The following CYRIB variants were observed in gnomAD, a reference collection of about 807,000 sequenced individuals.
CYRIB encodes CYFIP related Rac1 interactor B.
Under a neutral mutation model 44.2 loss-of-function variants are expected in CYRIB, and 8 were observed. That is an observed-to-expected ratio of 0.18 (90% confidence interval 0.11 to 0.33). The LOEUF is 0.33. Among genes scored for constraint, CYRIB ranks in the 10% least tolerant of loss-of-function variants. The pLI, the probability that CYRIB is intolerant of heterozygous loss-of-function variation, is 1.00. For synonymous variants in CYRIB, 131 were observed against 127.2 expected, an observed-to-expected ratio of 1.03 and a Z score of -0.20; for missense variants, 185 against 382.8, an observed-to-expected ratio of 0.48 and a Z score of 4.31.
At chr8:130,004,291 A>G (rs2096980542) in intron 1 of CYRIB, among the ~76,000 whole-genome samples, 2 of 152,090 alleles carry the variant, frequency 1.3e-5, no homozygotes, top group Non-Finnish European at 2.9e-5. Context: ...TTGTTTAGAG[A>G]CAGGGGTCTC....
At chr8:129,874,244 A>G (rs1482619497) in intron 3 of CYRIB, among the ~76,000 whole-genome samples, 1 of 152,054 alleles carries the variant, frequency 6.6e-6, no homozygotes, top group African/African-American at 2.4e-5. Context: ...CATATTCATT[A>G]CTCATCAAGC....
intron 8 of CYRIB, 60 bp from the exon 11 acceptor site, chr8:129,850,974 A>G (rs1587110973): frequency 1.8e-6 from 2 of 1,089,400 alleles, no homozygotes; most frequent in East Asian, 4.8e-5. Context: ...ACTTAAGCAC[A>G]ATTTAAAATT....
At chr8:129,960,022 C>T (rs2095145380) in intron 2 of CYRIB, among the ~76,000 whole-genome samples, 1 of 152,202 alleles carries the variant, frequency 6.6e-6, no homozygotes. Flanking sequence ...CCTACCTCTA[C>T]AATTTTTGGT....
At chr8:129,854,432 TA>T in intron 6 of CYRIB, 89 bp from the exon 9 acceptor site, 1 of 873,224 alleles carries the variant, frequency 1.1e-6, no homozygotes. Context: ...TTAATTAGTA[TA>T]AAACATTCCA....
At chr8:129,907,989 A>AAG (rs2076291771) in intron 1 of CYRIB, among the ~76,000 whole-genome samples, 1 of 152,168 alleles carries the variant, frequency 6.6e-6, no homozygotes, top group Admixed American at 6.5e-5. Context: ...GTGACAGAGT[A>AAG]AGACTCTGTT....
At chr8:129,888,257 G>C (rs1017793888) in intron 2 of CYRIB, among the ~76,000 whole-genome samples, 2 of 152,200 alleles carry the variant, frequency 1.3e-5, no homozygotes, top group Admixed American at 1.3e-4. Flanking sequence ...CATGTAAGAC[G>C]TGCCACCTTC....
At chr8:129,935,515 G>A (rs2092639396) in intron 1 of CYRIB, among the ~76,000 whole-genome samples, 1 of 152,202 alleles carries the variant, frequency 6.6e-6, no homozygotes, top group East Asian at 1.9e-4. Flanking sequence ...GATCTAACAG[G>A]AGGCAGACCT....
chr8:129,888,964 G>A (rs1369260991), intron 2 of CYRIB, among the ~76,000 whole-genome samples: 2 of 152,062 alleles, frequency 1.3e-5, no homozygotes, highest in Non-Finnish European at 1.5e-5. Context: ...AGGGTGGCAG[G>A]CGCCTGTAAT....
At chr8:129,910,550 C>T (rs568549209) in intron 1 of CYRIB, among the ~76,000 whole-genome samples, 10 of 145,942 alleles carry the variant, frequency 6.9e-5, no homozygotes, top group Non-Finnish European at 1.0e-4. Flanking sequence ...ATAATTCCAA[C>T]GCTTCAGGAA....
intron 4 of CYRIB, among the ~76,000 whole-genome samples, chr8:129,863,739 A>G (rs1436683428): frequency 6.6e-6 from 1 of 152,180 alleles, no homozygotes; most frequent in East Asian, 1.9e-4. Flanking sequence ...TCATTAAGTA[A>G]TCTTTTCTGA....
At chr8:129,987,955 G>C (rs1056088063) in intron 1 of CYRIB, among the ~76,000 whole-genome samples, 3 of 152,162 alleles carry the variant, frequency 2.0e-5, no homozygotes, top group Admixed American at 6.5e-5. Context: ...ACCTTACAAA[G>C]CCACCATCAG....
chr8:129,894,917 A>G lies in CYRIB; in HGVS notation c.-11+8395T>C, dbSNP rs570193044. 2.7e-5 allele frequency among the ~76,000 whole-genome samples: 4 copies of G among 149,162 alleles called. No homozygotes were observed. The East Asian group carries it at 5.8e-4, about 22-fold the overall frequency. On this transcript the variant is annotated intron_variant, in intron 2 of 11. Transcript: ENST00000519824. ...TTTTCAAACTGAGTGTTAGAAATAT[A>G]TATATATATATATTTTTTTAATTAA...
At chr8:129,855,549 T>A in intron 6 of CYRIB, 62 bp downstream of exon 8, 1 of 1,545,688 alleles carries the variant, frequency 6.5e-7, no homozygotes, top group Non-Finnish European at 8.9e-7. Flanking sequence ...CGGCTCTTCC[T>A]CCTAGTACTC....
chr8:129,850,597 A>C (rs2042762004), intron 9 of CYRIB: 8 of 506,832 alleles, frequency 1.6e-5, no homozygotes, highest in Non-Finnish European at 2.8e-5. Context: ...AGTCTGAGTC[A>C]GTCTGAGTGG....
At chr8:129,990,228 T>C (rs2096594819) in intron 1 of CYRIB, among the ~76,000 whole-genome samples, 1 of 152,190 alleles carries the variant, frequency 6.6e-6, no homozygotes, top group African/African-American at 2.4e-5. Context: ...ATGTATATAC[T>C]GTATATGCAT....
chr8:129,934,784 A>T (rs1472341723), intron 1 of CYRIB, among the ~76,000 whole-genome samples: 1 of 152,222 alleles, frequency 6.6e-6, no homozygotes, highest in Non-Finnish European at 1.5e-5. Flanking sequence ...ATGATTTTGC[A>T]GGAGACAACA....
At chr8:130,016,796 G>C (rs1297859168), upstream of CYRIB, 23 of 151,412 alleles carry the variant, frequency 1.5e-4, 1 homozygote, top group Admixed American at 1.4e-3. Context: ...TCCCGAGCCG[G>C]GGCGCCACGG....
chr8:129,968,512 T>C (rs994401027), intron 2 of CYRIB, among the ~76,000 whole-genome samples: 32 of 152,178 alleles, frequency 2.1e-4, no homozygotes, highest in Admixed American at 2.1e-3. Context: ...CTTGGAATGG[T>C]TTCCTGAATA....
rs1016896086 is a variant in CYRIB, at chr8:129,935,762, T to C, written c.-50+3846A>G. On this transcript the variant is annotated intron_variant, in intron 1 of 11. Transcript: ENST00000519824. ...TGTCACATACAATAGTACCTTAATG[T>C]TGATGATCAATCTTTTCAAAATGAA... is the stretch of plus-strand genomic sequence containing the variant. Among the ~76,000 whole-genome samples, 3 of 152,216 alleles carry C rather than the reference T, an allele frequency of 2.0e-5. No individual in the cohort carries two copies. The South Asian group carries it at 6.2e-4, about 32-fold the overall frequency.
Sources: gnomAD v4.1 joint callset for allele counts (sites outside exome capture counted in the v4.1 genomes callset) on GRCh38, gnomAD v4.1.1 for gene constraint, MANE v1.5 for transcripts, NCBI Gene and HGNC (gene_info 2026-07-23, HGNC 2026-07-21) for gene names.